UNC5D: variants seen among roughly 807,000 people sequenced by gnomAD.
The protein encoded by UNC5D is unc-5 netrin receptor D.
In UNC5D, 39 loss-of-function variants were observed where a neutral mutation model predicts 105.4. That is an observed-to-expected ratio of 0.37 (90% CI 0.29 to 0.48). The LOEUF is 0.48. UNC5D is among the 20% of genes least tolerant of loss of function. The pLI is 0.98. For missense variants in UNC5D, 991 were observed against 1,202.4 expected, an observed-to-expected ratio of 0.82 and a Z score of 2.60; for synonymous variants, 452 against 450.4, an observed-to-expected ratio of 1.00 and a Z score of -0.04.
chr8:35,740,483 C>T (rs1829704194), intron 11 of UNC5D, among the ~76,000 whole-genome samples: 1 of 152,142 alleles, frequency 6.6e-6, no homozygotes, highest in Non-Finnish European at 1.5e-5. Context: ...CTCAGTGAGG[C>T]TTCTGACCTA....
chr8:35,262,808 T>C (rs1223021673), intron 1 of UNC5D, among the ~76,000 whole-genome samples: 4 of 152,206 alleles, frequency 2.6e-5, no homozygotes, highest in African/African-American at 9.7e-5. Flanking sequence ...AATCCCTTCC[T>C]AAGTTCAAGA....
intron 1 of UNC5D, among the ~76,000 whole-genome samples, chr8:35,424,824 G>T (rs752207244): frequency 2.6e-5 from 4 of 152,220 alleles, no homozygotes; most frequent in Non-Finnish European, 4.4e-5. Context: ...AGGTAACTCA[G>T]TATGTAACGT....
At chr8:35,272,374 G>T (rs1448789212) in intron 1 of UNC5D, among the ~76,000 whole-genome samples, 1 of 152,120 alleles carries the variant, frequency 6.6e-6, no homozygotes, top group Non-Finnish European at 1.5e-5. Flanking sequence ...GTCACACCCT[G>T]GGCATCAGCT....
At chr8:35,650,972 A>G (rs1283662850) in intron 4 of UNC5D, among the ~76,000 whole-genome samples, 1 of 152,140 alleles carries the variant, frequency 6.6e-6, no homozygotes, top group Non-Finnish European at 1.5e-5. Context: ...AGTCTGACAG[A>G]TGTTTGGATC....
At position 35,759,458 on chromosome 8, in the gene UNC5D, A is replaced by G. The variant is rs1278744136; in HGVS notation, c.2302A>G (p.Thr768Ala). The G allele has an allele frequency of 1.2e-6, 2 of 1,613,132 alleles. No homozygotes were observed. The highest frequency in any genetic ancestry group is 1.3e-5 in the African/African-American group (1 of 74,840). The change falls in exon 14 of 17, where the codon ACT becomes GCT. Residue 768 changes from threonine (T) to alanine (A), a missense_variant. Transcript: ENST00000404895. ...ATTCCTCTGGAGAATTAAACCATTC[A>G]CTGCCTGCCAGGTACTGGCCAAATG... ...PPFLWRIKPF[T>A]ACQEVPFSRV... is the part of the protein sequence containing the mutation.
At chr8:35,375,497 G>A (rs1802648008) in intron 1 of UNC5D, among the ~76,000 whole-genome samples, 1 of 152,124 alleles carries the variant, frequency 6.6e-6, no homozygotes, top group Non-Finnish European at 1.5e-5. Flanking sequence ...ACACAAAAAA[G>A]GAACGTGAGT....
intron 3 of UNC5D, among the ~76,000 whole-genome samples, chr8:35,592,733 G>C (rs1586201705): frequency 6.6e-6 from 1 of 152,118 alleles, no homozygotes; most frequent in Non-Finnish European, 1.5e-5. Flanking sequence ...AATGATGTCT[G>C]ATCATTACAG....
intron 7 of UNC5D, among the ~76,000 whole-genome samples, chr8:35,700,903 A>G (rs994139966): frequency 6.6e-6 from 1 of 152,230 alleles, no homozygotes; most frequent in Non-Finnish European, 1.5e-5. Context: ...GAATAGATAC[A>G]AAAGGCAGAC....
chr8:35,683,463 C>G, intron 4 of UNC5D, 84 bp from the exon 5 acceptor site: 1 of 1,391,788 alleles, frequency 7.2e-7, no homozygotes, highest in Non-Finnish European at 9.6e-7. Context: ...ATCTCTCTCC[C>G]ACACCCGAAT....
chr8:35,421,089 G>A (rs2128966166), intron 1 of UNC5D, among the ~76,000 whole-genome samples: 1 of 152,208 alleles, frequency 6.6e-6, no homozygotes, highest in South Asian at 2.1e-4. Flanking sequence ...TTGCCACAGA[G>A]GACTACCTCT....
At chr8:35,769,833 G>C (rs1487710603) in intron 15 of UNC5D, among the ~76,000 whole-genome samples, 3 of 151,952 alleles carry the variant, frequency 2.0e-5, no homozygotes, top group Admixed American at 6.6e-5. Context: ...AGTGTTGGCG[G>C]GTGCCTGTAG....
intron 1 of UNC5D, among the ~76,000 whole-genome samples, chr8:35,335,602 ATGAT>A (rs1219816368): frequency 1.3e-5 from 2 of 152,152 alleles, no homozygotes; most frequent in Non-Finnish European, 1.5e-5. Flanking sequence ...CATTTGATAA[ATGAT>A]TGTTTCAAGG....
intron 2 of UNC5D, among the ~76,000 whole-genome samples, chr8:35,555,639 A>G (rs1297196203): frequency 6.6e-6 from 1 of 152,060 alleles, no homozygotes; most frequent in Non-Finnish European, 1.5e-5. Context: ...CAGCCTGGCC[A>G]ACATGGTGAA....
intron 1 of UNC5D, among the ~76,000 whole-genome samples, chr8:35,353,544 G>A (rs1214651974): frequency 1.3e-5 from 2 of 152,094 alleles, no homozygotes; most frequent in Non-Finnish European, 2.9e-5. Context: ...TTTTTGAAAT[G>A]CTAGATATAT....
chr8:35,634,173 T>C (rs1197050542), intron 4 of UNC5D, among the ~76,000 whole-genome samples: 1 of 152,166 alleles, frequency 6.6e-6, no homozygotes, highest in African/African-American at 2.4e-5. Flanking sequence ...TGGAAAACGG[T>C]TTGTAAACTC....
chr8:35,396,807 CT>C (rs778664487), intron 1 of UNC5D, among the ~76,000 whole-genome samples: 2,457 of 122,524 alleles, frequency 0.02, 32 homozygotes, highest in African/African-American at 0.045. Context: ...CCCAAGGTGG[CT>C]TTTTTTTTTT....
intron 4 of UNC5D, among the ~76,000 whole-genome samples, chr8:35,681,915 A>G (rs928740299): frequency 3.9e-5 from 6 of 152,182 alleles, no homozygotes; most frequent in Non-Finnish European, 8.8e-5. Flanking sequence ...TCCCTTTTCA[A>G]AAAGACAAAC....
intron 1 of UNC5D, among the ~76,000 whole-genome samples, chr8:35,454,310 T>C (rs1808348426): frequency 6.6e-6 from 1 of 152,132 alleles, no homozygotes; most frequent in Non-Finnish European, 1.5e-5. Flanking sequence ...TTTCACCTCA[T>C]GCAGAGATGC....
At chr8:35,525,395 G>T in intron 1 of UNC5D, 1 of 1,612,084 alleles carries the variant, frequency 6.2e-7, no homozygotes. Flanking sequence ...AGTCTTTAAT[G>T]GTCTTGTGAA....
Sources: allele counts gnomAD v4.1 joint callset (sites outside exome capture counted in the v4.1 genomes callset), GRCh38; gene constraint gnomAD v4.1.1; transcripts MANE v1.5; gene names NCBI Gene and HGNC (gene_info 2026-07-23, HGNC 2026-07-21).